KCNMB2: variants seen among roughly 807,000 people sequenced by gnomAD.
KCNMB2 encodes the protein potassium calcium-activated channel subfamily M regulatory beta subunit 2.
KCNMB2 carries 9 observed loss-of-function variants against 24.5 expected under a neutral mutation model. That is an observed-to-expected ratio of 0.37 (90% CI 0.22 to 0.64). The LOEUF is 0.64. Among genes scored for constraint, KCNMB2 ranks in the 30% least tolerant of loss-of-function variants. The pLI, the probability that KCNMB2 is intolerant of heterozygous loss-of-function variation, is 0.63. For missense variants in KCNMB2, 226 were observed against 284.3 expected (o/e 0.79, Z 1.47); for synonymous variants, 109 against 104.4 (o/e 1.04, Z -0.27).
chr3:178,757,794 C>CCAAGAGGA (rs1724191258), intron 1 of KCNMB2, among the ~76,000 whole-genome samples: 1 of 63,688 alleles, frequency 1.6e-5, no homozygotes, highest in African/African-American at 7.9e-5. Flanking sequence ...ATACATATAT[C>CCAAGAGGA]TTATATCCAT....
intron 4 of KCNMB2, among the ~76,000 whole-genome samples, chr3:178,828,982 A>G (rs982792534): frequency 2.7e-5 from 4 of 150,588 alleles, no homozygotes; most frequent in Admixed American, 6.6e-5. Context: ...TGTTCTTCAC[A>G]TATGTTATAT....
At chr3:178,761,653 A>C (rs930836499) in intron 1 of KCNMB2, among the ~76,000 whole-genome samples, 3 of 152,042 alleles carry the variant, frequency 2.0e-5, no homozygotes, top group African/African-American at 7.3e-5. Context: ...GTGTTATACC[A>C]CAGTAAAAGA....
At chr3:178,810,246 C>G (rs143877331) in intron 2 of KCNMB2, among the ~76,000 whole-genome samples, 1 of 152,188 alleles carries the variant, frequency 6.6e-6, no homozygotes, top group East Asian at 1.9e-4. Flanking sequence ...TCTGACAGCA[C>G]TGCCTCAAAT....
intron 1 of KCNMB2, among the ~76,000 whole-genome samples, chr3:178,728,922 G>A (rs1014879545): frequency 2.0e-5 from 3 of 152,090 alleles, no homozygotes; most frequent in East Asian, 1.9e-4. Flanking sequence ...TGTTCTCAAC[G>A]TTAGAACCAA....
intron 2 of KCNMB2, among the ~76,000 whole-genome samples, chr3:178,814,494 G>GT (rs1714327001): frequency 6.6e-6 from 1 of 152,114 alleles, no homozygotes; most frequent in Non-Finnish European, 1.5e-5. Flanking sequence ...TCCAGTAATG[G>GT]TATCAATTAT....
chr3:178,542,646 T>A (rs1465307320), intron 1 of KCNMB2, among the ~76,000 whole-genome samples: 2 of 152,174 alleles, frequency 1.3e-5, no homozygotes, highest in African/African-American at 4.8e-5. Flanking sequence ...TTAGGAGAAT[T>A]TTTTTAAAGG....
At chr3:178,701,773 T>C (rs1722106089) in intron 1 of KCNMB2, among the ~76,000 whole-genome samples, 1 of 152,134 alleles carries the variant, frequency 6.6e-6, no homozygotes, top group Non-Finnish European at 1.5e-5. Flanking sequence ...AAACAACAGG[T>C]GCTGGAGAGG....
At chr3:178,796,096 A>C (rs1256464925) in intron 1 of KCNMB2, among the ~76,000 whole-genome samples, 1 of 152,260 alleles carries the variant, frequency 6.6e-6, no homozygotes, top group African/African-American at 2.4e-5. Flanking sequence ...TTATATTATA[A>C]TGTAAATGAA....
intron 1 of KCNMB2, among the ~76,000 whole-genome samples, chr3:178,562,267 TGAAATAGGTCTTA>T (rs1348832982): frequency 6.6e-6 from 1 of 152,224 alleles, no homozygotes; most frequent in East Asian, 1.9e-4. Flanking sequence ...CTGACTTCTA[TGAAATAGGTCTTA>T]GTAAGTGGAG....
At chr3:178,785,570 A>G in intron 1 of KCNMB2, among the ~76,000 whole-genome samples, 1 of 151,954 alleles carries the variant, frequency 6.6e-6, no homozygotes, top group Non-Finnish European at 1.5e-5. Flanking sequence ...CTATAATATT[A>G]AAAAAGCACA....
chr3:178,630,565 T>A (rs1719282571), intron 1 of KCNMB2, among the ~76,000 whole-genome samples: 1 of 152,238 alleles, frequency 6.6e-6, no homozygotes, highest in South Asian at 2.1e-4. Context: ...AATTCTTTCT[T>A]GAAAATGGTT....
At chr3:178,699,527 G>C (rs1375540423) in intron 1 of KCNMB2, among the ~76,000 whole-genome samples, 2 of 152,178 alleles carry the variant, frequency 1.3e-5, no homozygotes, top group Admixed American at 1.3e-4. Flanking sequence ...AGTCAGGTAA[G>C]GTCTGCCAGT....
At chr3:178,808,305 G>C (rs2108453008) in intron 2 of KCNMB2, among the ~76,000 whole-genome samples, 1 of 152,292 alleles carries the variant, frequency 6.6e-6, no homozygotes, top group African/African-American at 2.4e-5. Context: ...TCTGGGTTAA[G>C]TGAAGCTAAA....
chr3:178,798,983 TAA>T (rs35483725), intron 1 of KCNMB2, among the ~76,000 whole-genome samples: 22 of 144,440 alleles, frequency 1.5e-4, no homozygotes, highest in African/African-American at 3.5e-4. Context: ...CTCTTGATGA[TAA>T]AAAAAAAAAA....
Position 178,648,900 on chromosome 3 carries a change from T to C in KCNMB2, c.-68+112189T>C, listed in dbSNP as rs552056298. The stretch of plus-strand genomic sequence containing the variant: ...TTATTTGGTGTGCTAATATATGTTA[T>C]TTGATGGATGTGGAGTGGTATTTCA... On this transcript the variant is annotated intron_variant, in intron 1 of 4. Transcript: ENST00000452583. Among the ~76,000 whole-genome samples, 4 of 152,336 alleles carry C rather than the reference T, an allele frequency of 2.6e-5. No individual in the cohort carries two copies. In the South Asian group the frequency reaches 6.2e-4, roughly 24 times the overall value.
chr3:178,735,740 T>C (rs894503225), intron 1 of KCNMB2, among the ~76,000 whole-genome samples: 1 of 152,226 alleles, frequency 6.6e-6, no homozygotes, highest in Admixed American at 6.5e-5. Context: ...TCATGGTTAT[T>C]GTTACATCTC....
rs142465304 is a variant in KCNMB2, at chr3:178,746,522, G to A, written c.-67-60821G>A. Reference sequence around the variant, plus strand: ...CTCGGGGATTAACTTTCGGCTCCTTGTTACTTATGCAAATTTCTGCAGCCG... The same window carrying A: ...CTCGGGGATTAACTTTCGGCTCCTTATTACTTATGCAAATTTCTGCAGCCG... On this transcript the variant is annotated intron_variant, in intron 1 of 4. Transcript: ENST00000452583. Among the ~76,000 whole-genome samples, 89 of 152,258 alleles carry A rather than the reference G, an allele frequency of 5.8e-4. No individual in the cohort carries two copies. The East Asian group carries it at 0.017, about 29-fold the overall frequency.
chr3:178,639,535 C>T (rs1719647255), intron 1 of KCNMB2, among the ~76,000 whole-genome samples: 1 of 152,134 alleles, frequency 6.6e-6, no homozygotes, highest in Non-Finnish European at 1.5e-5. Context: ...TTAAATAATA[C>T]TTATATGACA....
rs1717437466 is a variant in KCNMB2 at position 178,586,534 on chromosome 3, C to CTTTCTTTTTT, written c.-68+49827_-68+49836dup. Reference sequence around the variant, plus strand: ...AGCAATTTTCTTTTCTTTTTTTTTTCTTTCTTTTTTTTTTTTTTTTTTTTT... The same window carrying CTTTCTTTTTT: ...AGCAATTTTCTTTTCTTTTTTTTTTCTTTCTTTTTTTTTCTTTTTTTTTTTTTTTTTTTTT... On this transcript the variant is annotated intron_variant, in intron 1 of 4. Coordinates refer to ENST00000452583, the MANE Select transcript of KCNMB2 (RefSeq NM_181361.3). Among the ~76,000 whole-genome samples, 100 of 68,530 alleles carry CTTTCTTTTTT rather than the reference C, an allele frequency of 1.5e-3. 3 individuals are homozygous for CTTTCTTTTTT. The highest frequency in any genetic ancestry group is 6.1e-3 in the African/African-American group (99 of 16,348). 45.0% of individuals were successfully genotyped at this position (68,530 alleles called of 152,430 possible). A position where few individuals can be genotyped will look rare whatever the true frequency, so the allele number is the denominator to read the frequency against.
Sources: gnomAD v4.1 joint callset for allele counts (sites outside exome capture counted in the v4.1 genomes callset) on GRCh38, gnomAD v4.1.1 for gene constraint, MANE v1.5 for transcripts, NCBI Gene and HGNC (gene_info 2026-07-23, HGNC 2026-07-21) for gene names.